The following RERG variants were observed in gnomAD, a reference collection of about 807,000 sequenced individuals.
The protein encoded by RERG is RAS like estrogen regulated growth inhibitor, also known as ras-related and estrogen-regulated growth inhibitor.
In RERG, 25 loss-of-function variants were observed where a neutral mutation model predicts 23.2. The ratio of observed to expected loss-of-function variants is 1.08; its 90% CI spans 0.79 to 1.50. The LOEUF (loss-of-function observed/expected upper bound fraction) is 1.50. Ranked by LOEUF, RERG falls within the 40% of genes most tolerant of loss-of-function variation. The pLI is 0.00. For synonymous variants in RERG, 81 were observed against 89.1 expected (o/e 0.91, Z 0.51); for missense variants, 253 against 250.1 (o/e 1.01, Z -0.08).
chr12:15,192,960 T>C (rs1471392053), intron 2 of RERG, among the ~76,000 whole-genome samples: 2 of 152,272 alleles, frequency 1.3e-5, no homozygotes, highest in African/African-American at 4.8e-5. Flanking sequence ...ATGCTAACCT[T>C]TAGTATTGCT....
intron 2 of RERG, among the ~76,000 whole-genome samples, chr12:15,139,656 C>T (rs1052551618): frequency 2.6e-5 from 4 of 152,138 alleles, no homozygotes; most frequent in Non-Finnish European, 5.9e-5. Flanking sequence ...AACTTTTATA[C>T]ATTAAACTTG....
chr12:15,187,489 A>G (rs931176430), intron 2 of RERG, among the ~76,000 whole-genome samples: 6 of 152,160 alleles, frequency 3.9e-5, no homozygotes, highest in South Asian at 2.1e-4. Context: ...AACATGAATT[A>G]AGGCCAAACA....
At chr12:15,170,812 C>T (rs1864767558) in intron 2 of RERG, among the ~76,000 whole-genome samples, 1 of 152,192 alleles carries the variant, frequency 6.6e-6, no homozygotes, top group Admixed American at 6.5e-5. Context: ...TAAACAACCA[C>T]TTTTAAAAGT....
chr12:15,200,892 C>T (rs551224621), intron 2 of RERG, among the ~76,000 whole-genome samples: 12 of 151,986 alleles, frequency 7.9e-5, no homozygotes, highest in Middle Eastern at 3.4e-3. Flanking sequence ...TGACACGCTT[C>T]GCATTTTTTA....
At chr12:15,199,141 T>A (rs940463633) in intron 2 of RERG, among the ~76,000 whole-genome samples, 12 of 152,196 alleles carry the variant, frequency 7.9e-5, no homozygotes, top group African/African-American at 2.9e-4. Flanking sequence ...TAATAGTGTC[T>A]ACTCAAAGTC....
chr12:15,121,728 AG>A (rs1275720224), intron 2 of RERG, among the ~76,000 whole-genome samples: 4 of 151,898 alleles, frequency 2.6e-5, no homozygotes, highest in Non-Finnish European at 5.9e-5. Flanking sequence ...TTTATGAGGC[AG>A]GTACGATGTT....
intron 2 of RERG, among the ~76,000 whole-genome samples, chr12:15,137,435 CTTCT>C (rs1251316724): frequency 1.3e-5 from 2 of 151,548 alleles, no homozygotes; most frequent in African/African-American, 2.4e-5. Flanking sequence ...CATTGCCTTT[CTTCT>C]TTGTTTCTAT....
At chr12:15,155,703 T>C (rs998027185) in intron 2 of RERG, among the ~76,000 whole-genome samples, 6 of 152,104 alleles carry the variant, frequency 3.9e-5, no homozygotes, top group African/African-American at 1.4e-4. Context: ...TCTCTACTCC[T>C]GGAGTCACTG....
At chr12:15,193,446 A>T (rs1211486044) in intron 2 of RERG, among the ~76,000 whole-genome samples, 1 of 152,076 alleles carries the variant, frequency 6.6e-6, no homozygotes. Context: ...GTTCCATACC[A>T]ATCTTCATCC....
At chr12:15,173,809 G>A (rs1864809295) in intron 2 of RERG, among the ~76,000 whole-genome samples, 1 of 151,468 alleles carries the variant, frequency 6.6e-6, no homozygotes, top group East Asian at 1.9e-4. Context: ...ATAGAGTTTT[G>A]TAAATATCTT....
chr12:15,164,297 G>C (rs1864655445), intron 2 of RERG, among the ~76,000 whole-genome samples: 1 of 152,172 alleles, frequency 6.6e-6, no homozygotes, highest in African/African-American at 2.4e-5. Flanking sequence ...CCAAACTTTA[G>C]ACTTCTCCTA....
At chr12:15,119,484 A>G (rs912618019) in intron 3 of RERG, among the ~76,000 whole-genome samples, 2 of 152,182 alleles carry the variant, frequency 1.3e-5, no homozygotes, top group African/African-American at 4.8e-5. Context: ...AACTCCCATT[A>G]ATCATTAAGA....
At chr12:15,202,951 A>T (rs1865237609) in intron 2 of RERG, among the ~76,000 whole-genome samples, 1 of 151,676 alleles carries the variant, frequency 6.6e-6, no homozygotes, top group African/African-American at 2.4e-5. Context: ...CCATATCCTC[A>T]TCAACACTTC....
At position 15,172,402 on chromosome 12, in the gene RERG, A is replaced by G. The variant is rs575811761; in HGVS notation, c.61+45027T>C. Among the ~76,000 whole-genome samples the G allele has an allele frequency of 4.6e-5, 7 of 152,056 alleles. No individual in the cohort carries two copies. In the South Asian group the frequency reaches 1.5e-3, roughly 32 times the overall value. ...ATTTATGGACATTTGGGTTGTTTTT[A>G]TTTTGGGCTATTATGAATAATTCTC... On this transcript the variant is annotated intron_variant, in intron 2 of 4. Transcript: ENST00000256953.
chr12:15,217,295 G>T (rs1865452956), intron 2 of RERG, 134 bp downstream of exon 2: 7 of 673,110 alleles, frequency 1.0e-5, no homozygotes, highest in Non-Finnish European at 1.9e-5. Flanking sequence ...TAGATGAAGA[G>T]ACTTTATCTA....
chr12:15,213,867 C>G (rs1027882355), intron 2 of RERG, among the ~76,000 whole-genome samples: 6 of 152,120 alleles, frequency 3.9e-5, no homozygotes, highest in Non-Finnish European at 7.4e-5. Context: ...ATTGGTGACA[C>G]TAATATATTT....
At chr12:15,190,498 T>A (rs1174754468) in intron 2 of RERG, among the ~76,000 whole-genome samples, 1 of 152,180 alleles carries the variant, frequency 6.6e-6, no homozygotes, top group African/African-American at 2.4e-5. Flanking sequence ...TAATGGGTTA[T>A]GTACACAACA....
At chr12:15,177,969 G>A (rs1177931222) in intron 2 of RERG, among the ~76,000 whole-genome samples, 1 of 151,608 alleles carries the variant, frequency 6.6e-6, no homozygotes, top group African/African-American at 2.4e-5. Flanking sequence ...GGAGCTGGAT[G>A]CATATATTTA....
At chr12:15,175,879 CT>C (rs1191425268) in intron 2 of RERG, among the ~76,000 whole-genome samples, 2 of 152,108 alleles carry the variant, frequency 1.3e-5, no homozygotes, top group Non-Finnish European at 1.5e-5. Context: ...TTTTTCATAG[CT>C]ACTATGATTG....
Sources: allele counts gnomAD v4.1 joint callset (sites outside exome capture counted in the v4.1 genomes callset), GRCh38; gene constraint gnomAD v4.1.1; transcripts MANE v1.5; gene names NCBI Gene and HGNC (gene_info 2026-07-23, HGNC 2026-07-21).